YPEL4: variants seen among roughly 807,000 people sequenced by gnomAD.
YPEL4 encodes protein yippee-like 4.
Under a neutral mutation model 16.3 loss-of-function variants are expected in YPEL4, and 5 were observed. That is an observed-to-expected ratio of 0.31 (90% CI 0.16 to 0.64). The LOEUF is 0.64. Among genes scored for constraint, YPEL4 ranks in the 30% least tolerant of loss-of-function variants. The pLI is 0.79. For synonymous variants in YPEL4, 61 were observed against 60.7 expected (o/e 1.00, Z -0.02); for missense variants, 127 against 170.0 (o/e 0.75, Z 1.41).
In YPEL4 at chr11:57,646,405, C is replaced by G. The variant is rs767470203; in HGVS notation, c.186G>C (p.Val62=). Reference sequence around the variant, plus strand: ...CAGCTGGCCCGCAACCCACGTTGACCCTGTCTCAGGAAACAGGAAGGACCC... The same window carrying G: ...CAGCTGGCCCGCAACCCACGTTGACGCTGTCTCAGGAAACAGGAAGGACCC... ...SHGRAYLFNS[V]VNVGCGPAEQ... is the part of the protein sequence containing the mutation. Residue 62 remains valine, a splice_region_variant and synonymous_variant, in exon 4 of 5, where the codon GTG becomes GTC. Transcript: ENST00000300022. The G allele has an allele frequency of 6.2e-7, 1 of 1,614,086 alleles. No individual in the cohort carries two copies. The highest frequency in any genetic ancestry group is 8.5e-7 in the Non-Finnish European group (1 of 1,180,014).
In YPEL4 at chr11:57,647,072, G is replaced by A. The variant is rs1435071660; in HGVS notation, c.36C>T (p.Cys12=). ...PSCDPGPGPA[C]LPTKTFRSYL... ...AGCTGCGGAAAGTCTTGGTGGGGAG[G>A]CAGGCAGGGCCCGGACCGGGGTCAC... Residue 12 remains cysteine, a synonymous_variant, in exon 2 of 5, where the codon TGC becomes TGT. Transcript: ENST00000300022. This position sits in a 1 kb window ranked among gnomAD's most constrained non-coding sequence, Gnocchi z 4.2. 1 of 1,593,868 alleles carries A rather than the reference G, an allele frequency of 6.3e-7. No homozygotes were observed. The highest frequency in any genetic ancestry group is 8.5e-7 in the Non-Finnish European group (1 of 1,171,890).
intron 3 of YPEL4, 113 bp downstream of exon 3, chr11:57,646,638 G>T: frequency 6.8e-7 from 1 of 1,480,046 alleles, no homozygotes; most frequent in Non-Finnish European, 9.3e-7. Flanking sequence ...AAAAGGGGAG[G>T]CAAAGACTGA....
At chr11:57,646,501 TG>T in intron 3 of YPEL4, 96 bp from the exon 4 acceptor site, 2 of 1,424,654 alleles carry the variant, frequency 1.4e-6, no homozygotes, top group Non-Finnish European at 9.8e-7. Context: ...TGGAGAGAAC[TG>T]GACAGCCCCT....
At chr11:57,648,555 A>G (rs1270457308) in intron 1 of YPEL4, 1 of 152,314 alleles carries the variant, frequency 6.6e-6, no homozygotes, top group Non-Finnish European at 1.5e-5. Context: ...CTAGAGCACT[A>G]AGCAGAGAAG....
Position 57,647,713 on chromosome 11 carries a change from GTCTT to G in YPEL4, c.-184-426_-184-423del, listed in dbSNP as rs1945749415. 1 of 152,190 alleles carries G rather than the reference GTCTT, an allele frequency of 6.6e-6. No individual in the cohort carries two copies. Among genetic ancestry groups the G allele is most frequent in the Non-Finnish European group, 1.5e-5 (1 of 68,082 alleles). The allele number at this position is 152,190 out of a possible 1,614,324, so 9.4% of individuals were successfully genotyped here. On this transcript the variant is annotated intron_variant, in intron 1 of 4. Transcript: ENST00000300022. The surrounding 1 kb of genome is among the most constrained non-coding windows in gnomAD (Gnocchi z 4.2). ...TTTTAAGAGTTGGGGATGCCTGAAG[GTCTT>G]TCTTTTACATGGTCTTTGTTTGCAA...
At position 57,647,366 on chromosome 11, in the gene YPEL4, G is replaced by A; in HGVS notation, c.-184-75C>T. 2.4e-6 allele frequency: 1 copy of A among 413,092 alleles called. No homozygotes were observed. The highest frequency in any genetic ancestry group is 4.3e-6 in the Non-Finnish European group (1 of 233,670). 25.6% of individuals were successfully genotyped at this position (413,092 alleles called of 1,614,324 possible). On this transcript the variant is annotated intron_variant, in intron 1 of 4. Transcript: ENST00000300022. The surrounding 1 kb of genome is among the most constrained non-coding windows in gnomAD (Gnocchi z 4.2). ...CCTCCTGAGGGAATGGAGGAAAAGG[G>A]AATCAGCTCACCCATACCTCTACTT...
In YPEL4 at chr11:57,645,198, T is replaced by C. The variant is rs1253866354; in HGVS notation, c.*783A>G. 3.3e-5 allele frequency: 5 copies of C among 152,316 alleles called. No individual in the cohort carries two copies. Among genetic ancestry groups the C allele is most frequent in the African/African-American group, 1.2e-4 (5 of 41,524 alleles). 9.4% of individuals were successfully genotyped at this position (152,316 alleles called of 1,614,324 possible). A position where few individuals can be genotyped will look rare whatever the true frequency, so the allele number is the denominator to read the frequency against. ...GGAAAGACTGGCCCCGTAGCACTGA[T>C]TTTCCACCTCCCCTCCAGGGGACTG... On this transcript the variant is annotated 3_prime_UTR_variant, in exon 5 of 5. Coordinates refer to ENST00000300022, the MANE Select transcript of YPEL4 (RefSeq NM_145008.3).
rs920360264 is a variant in YPEL4 at position 57,647,545 on chromosome 11, C to T, written c.-184-254G>A. On this transcript the variant is annotated intron_variant, in intron 1 of 4. Transcript: ENST00000300022. This position sits in a 1 kb window ranked among gnomAD's most constrained non-coding sequence, Gnocchi z 4.2. ...TTCTCCCTCCTGGGGCAGAAGCAGC[C>T]TCCACCATTTTCCACAGAGAGAAGC... 1.3e-5 allele frequency: 2 copies of T among 155,640 alleles called. No homozygotes were observed. The highest frequency in any genetic ancestry group is 2.4e-5 in the African/African-American group (1 of 41,554). The allele number at this position is 155,640 out of a possible 1,614,324, so 9.6% of individuals were successfully genotyped here. A position where few individuals can be genotyped will look rare whatever the true frequency, so the allele number is the denominator to read the frequency against.
Position 57,646,349 on chromosome 11 carries a change from G to A in YPEL4, c.242C>T (p.Ser81Leu), listed in dbSNP as rs1473601033. ...EQRLLLTGLH[S>L]VADIFCESCK... The stretch of plus-strand genomic sequence containing the variant: ...GCTCTCACAGAAAATGTCAGCTACC[G>A]AGTGGAGCCCCGTGAGCAAGAGGCG... The change falls in exon 4 of 5, where the codon TCG (serine) becomes TTG (leucine). Residue 81 changes from serine (S) to leucine (L), a missense_variant. Physicochemically the swap from Ser to Leu is moderately radical, Grantham distance 145 (BLOSUM62 -2). Coordinates refer to ENST00000300022, the MANE Select transcript of YPEL4 (RefSeq NM_145008.3). The A allele has an allele frequency of 3.7e-6, 6 of 1,614,016 alleles. No individual in the cohort carries two copies. The African/African-American group carries it at 4.0e-5, about 11-fold the overall frequency.
chr11:57,647,129 C>G lies in YPEL4; in HGVS notation c.-22G>C. ...GCATGACGGGCTGGAGGACAATGCC[C>G]TGGTGGGCTGGAGGGGCTGGCGCCG... On this transcript the variant is annotated 5_prime_UTR_variant, in exon 2 of 5. Transcript: ENST00000300022. This position sits in a 1 kb window ranked among gnomAD's most constrained non-coding sequence, Gnocchi z 4.2. 1 of 1,543,092 alleles carries G rather than the reference C, an allele frequency of 6.5e-7. No homozygotes were observed. The highest frequency in any genetic ancestry group is 1.4e-5 in the African/African-American group (1 of 72,572).
At chr11:57,646,597 T>C in intron 3 of YPEL4, 154 bp downstream of exon 3, 3 of 1,264,442 alleles carry the variant, frequency 2.4e-6, no homozygotes, top group Non-Finnish European at 3.4e-6. Context: ...CGGCTCCCCA[T>C]GTGAGAACTT....
chr11:57,646,939 G>T (rs1230243662), intron 2 of YPEL4, 28 bp downstream of exon 2: 3 of 1,569,486 alleles, frequency 1.9e-6, no homozygotes, highest in African/African-American at 2.7e-5. Context: ...GCGAGAGGAG[G>T]GGAATGGCAG....
At chr11:57,649,057 A>C (rs1045715827) in intron 1 of YPEL4, 8 of 152,090 alleles carry the variant, frequency 5.3e-5, no homozygotes, top group Non-Finnish European at 7.3e-5. Context: ...AGTAGGGGTC[A>C]TTTTTTCACC....
Position 57,645,930 on chromosome 11 carries a change from C to T in YPEL4, c.*51G>A. ...TGCTGGTATAGACTGCTTGGCAGGG[C>T]CGTGGGGAGGGAGGGGCATGCGGAG... On this transcript the variant is annotated 3_prime_UTR_variant, in exon 5 of 5. Coordinates refer to ENST00000300022, the MANE Select transcript of YPEL4 (RefSeq NM_145008.3). 6.3e-7 allele frequency: 1 copy of T among 1,589,622 alleles called. No homozygotes were observed. The highest frequency in any genetic ancestry group is 1.9e-4 in the Middle Eastern group (1 of 5,384).
chr11:57,647,119 G>A lies in YPEL4; in HGVS notation c.-12C>T. ...TCACAGCTGGGCATGACGGGCTGGA[G>A]GACAATGCCCTGGTGGGCTGGAGGG... On this transcript the variant is annotated 5_prime_UTR_variant, in exon 2 of 5. Coordinates refer to ENST00000300022, the MANE Select transcript of YPEL4 (RefSeq NM_145008.3). This position sits in a 1 kb window ranked among gnomAD's most constrained non-coding sequence, Gnocchi z 4.2. 1 of 1,559,366 alleles carries A rather than the reference G, an allele frequency of 6.4e-7. No homozygotes were observed. The highest frequency in any genetic ancestry group is 8.6e-7 in the Non-Finnish European group (1 of 1,156,570).
Position 57,647,413 on chromosome 11 carries a change from C to G in YPEL4, c.-184-122G>C, listed in dbSNP as rs1368011837. 1 of 259,176 alleles carries G rather than the reference C, an allele frequency of 3.9e-6. No homozygotes were observed. Among genetic ancestry groups the G allele is most frequent in the Non-Finnish European group, 7.3e-6 (1 of 137,326 alleles). 16.1% of individuals were successfully genotyped at this position (259,176 alleles called of 1,614,324 possible). A position where few individuals can be genotyped will look rare whatever the true frequency, so the allele number is the denominator to read the frequency against. ...ACTTTCCCCATCACCATCGACCCCCCCACAGCATCCAGTTGCATTGTCGCC... is the reference window on the plus strand; with the variant it reads ...ACTTTCCCCATCACCATCGACCCCCGCACAGCATCCAGTTGCATTGTCGCC... On this transcript the variant is annotated intron_variant, in intron 1 of 4. Transcript: ENST00000300022. The surrounding 1 kb of genome is among the most constrained non-coding windows in gnomAD (Gnocchi z 4.2).
chr11:57,648,173 G>A (rs1343268249), intron 1 of YPEL4: 9 of 152,294 alleles, frequency 5.9e-5, no homozygotes, highest in Non-Finnish European at 8.8e-5. Context: ...GTGGTAGGGT[G>A]AGAGCAACGG....
At chr11:57,649,331 C>T (rs1945765575) in intron 1 of YPEL4, 3 of 152,394 alleles carry the variant, frequency 2.0e-5, no homozygotes, top group African/African-American at 7.2e-5. Flanking sequence ...ATTTTCTCAT[C>T]TGCTCTGAGG....
In YPEL4 at chr11:57,647,073, C is replaced by T; in HGVS notation, c.35G>A (p.Cys12Tyr). The T allele has an allele frequency of 6.3e-7, 1 of 1,593,134 alleles. No homozygotes were observed. The highest frequency in any genetic ancestry group is 2.3e-5 in the East Asian group (1 of 44,280). ...PSCDPGPGPACLPTKTFRSYL... is the reference protein window; with the variant it reads ...PSCDPGPGPAYLPTKTFRSYL... ...GCTGCGGAAAGTCTTGGTGGGGAGG[C>T]AGGCAGGGCCCGGACCGGGGTCACA... The change falls in exon 2 of 5, where the codon TGC becomes TAC. Residue 12 changes from cysteine to tyrosine, a missense_variant. By Grantham distance (194) the Cys-to-Tyr change is radical. Transcript: ENST00000300022. This position sits in a 1 kb window ranked among gnomAD's most constrained non-coding sequence, Gnocchi z 4.2.
Sources: gnomAD v4.1 joint callset for allele counts on GRCh38, gnomAD v4.1.1 for gene constraint, Gnocchi (gnomAD v3.1) non-coding constraint, MANE v1.5 for transcripts, NCBI Gene and HGNC (gene_info 2026-07-23, HGNC 2026-07-21) for gene names.